FAM13B: variants seen among roughly 807,000 people sequenced by gnomAD.
FAM13B encodes the protein family with sequence similarity 13 member B.
In FAM13B, 60 loss-of-function variants were observed where a neutral mutation model predicts 117.3. That is an observed-to-expected ratio of 0.51 (90% CI 0.42 to 0.63). The LOEUF is 0.63. Among genes scored for constraint, FAM13B ranks in the 30% least tolerant of loss-of-function variants. The pLI is 0.00. For missense variants in FAM13B, 972 were observed against 1,091.9 expected (o/e 0.89, Z 1.55); for synonymous variants, 332 against 356.1 (o/e 0.93, Z 0.76).
intron 1 of FAM13B, among the ~76,000 whole-genome samples, chr5:138,043,143 C>G (rs1791545799): frequency 6.6e-6 from 1 of 152,086 alleles, no homozygotes; most frequent in Non-Finnish European, 1.5e-5. Context: ...CAGCAAGAAT[C>G]ACTTGAGGCC....
intron 1 of FAM13B, among the ~76,000 whole-genome samples, chr5:138,026,301 A>T (rs1788342053): frequency 1.3e-5 from 2 of 152,120 alleles, no homozygotes; most frequent in South Asian, 4.1e-4. Flanking sequence ...ATGCTGTTGT[A>T]TATAAACCAT....
At chr5:137,969,762 T>C (rs1219380942) in intron 10 of FAM13B, among the ~76,000 whole-genome samples, 1 of 151,830 alleles carries the variant, frequency 6.6e-6, no homozygotes, top group Non-Finnish European at 1.5e-5. Flanking sequence ...GAGAAGTGCT[T>C]AAAGGAGCTG....
At chr5:137,993,582 A>T (rs904258472) in intron 7 of FAM13B, among the ~76,000 whole-genome samples, 1 of 151,796 alleles carries the variant, frequency 6.6e-6, no homozygotes, top group East Asian at 1.9e-4. Flanking sequence ...AGAGTTCGAG[A>T]GCAGCCGGGC....
At chr5:138,032,643 G>A (rs1003059740) in intron 1 of FAM13B, 139 bp downstream of exon 1, 6 of 825,380 alleles carry the variant, frequency 7.3e-6, no homozygotes, top group Non-Finnish European at 8.8e-6. Flanking sequence ...CCACCTGCTA[G>A]AGTCCTCCAC....
chr5:138,028,999 G>T (rs1037111610), intron 1 of FAM13B, among the ~76,000 whole-genome samples: 5 of 151,984 alleles, frequency 3.3e-5, no homozygotes, highest in African/African-American at 9.7e-5. Flanking sequence ...CAGCCAGGGG[G>T]ACAAGAACGA....
chr5:137,954,251 G>C lies in FAM13B; in HGVS notation c.1633C>G (p.Arg545Gly). ...EEDCPPVLSH[R>G]SLDFGQSQRF... Reference sequence around the variant, plus strand: ...TGGCTTTGACCAAAATCTAAACTGCGGTGTGATAATACTGGAGGACAGTCC... The same window carrying C: ...TGGCTTTGACCAAAATCTAAACTGCCGTGTGATAATACTGGAGGACAGTCC... Residue 545 changes from arginine to glycine, a missense_variant, in exon 15 of 24, where the codon CGC (arginine) becomes GGC (glycine). Arg to Gly is a moderately radical substitution (Grantham distance 125). Coordinates refer to ENST00000689681, the MANE Select transcript of FAM13B (RefSeq NM_001385994.1). 6.2e-7 allele frequency: 1 copy of C among 1,613,828 alleles called. No individual in the cohort carries two copies. Among genetic ancestry groups the C allele is most frequent in the Middle Eastern group, 1.6e-4 (1 of 6,062 alleles).
At chr5:138,030,021 T>C (rs1789473518) in intron 1 of FAM13B, among the ~76,000 whole-genome samples, 1 of 152,186 alleles carries the variant, frequency 6.6e-6, no homozygotes, top group Admixed American at 6.5e-5. Context: ...AGAAATCTAG[T>C]AAATGTCATC....
At position 137,959,747 on chromosome 5, in the gene FAM13B, A is replaced by C. The variant is rs1767609891; in HGVS notation, c.1310T>G (p.Ile437Arg). The change falls in exon 13 of 24, where the codon ATA becomes AGA. Residue 437 changes from isoleucine to arginine, a missense_variant. Coordinates refer to ENST00000689681, the MANE Select transcript of FAM13B (RefSeq NM_001385994.1). Reference sequence around the variant, plus strand: ...TTCAGTGTTGGCATTCAAATCACATATCTTGCTACTAGAATCCTGTATTTT... The same window carrying C: ...TTCAGTGTTGGCATTCAAATCACATCTCTTGCTACTAGAATCCTGTATTTT... ...SHLILDSSSK[I>R]CDLNANTESE... 10 of 1,613,572 alleles carry C rather than the reference A, an allele frequency of 6.2e-6. No homozygotes were observed. Among genetic ancestry groups the C allele is most frequent in the Non-Finnish European group, 8.5e-6 (10 of 1,179,786 alleles).
chr5:137,959,919 T>C (rs1386233794), intron 12 of FAM13B, among the ~76,000 whole-genome samples, 156 bp from the exon 13 acceptor site: 1 of 152,192 alleles, frequency 6.6e-6, no homozygotes, highest in Non-Finnish European at 1.5e-5. Flanking sequence ...TTTTCAAATA[T>C]AAACATGCAG....
At chr5:137,982,814 G>A (rs1015812866) in intron 10 of FAM13B, among the ~76,000 whole-genome samples, 38 of 152,164 alleles carry the variant, frequency 2.5e-4, no homozygotes, top group African/African-American at 8.2e-4. Flanking sequence ...AAATAAATGT[G>A]CATGCTTTTC....
chr5:137,967,220 A>AG (rs1467306547), intron 10 of FAM13B, among the ~76,000 whole-genome samples: 2 of 152,196 alleles, frequency 1.3e-5, no homozygotes, highest in South Asian at 2.1e-4. Context: ...GAAAGTAGGT[A>AG]GTTCCTTAAT....
At chr5:138,000,764 C>T (rs1561513853) in intron 7 of FAM13B, among the ~76,000 whole-genome samples, 1 of 151,974 alleles carries the variant, frequency 6.6e-6, no homozygotes, top group African/African-American at 2.4e-5. Context: ...AACCCCATCC[C>T]TATTAAGATT....
chr5:137,999,088 G>C lies in FAM13B; in HGVS notation c.848+7902C>G, dbSNP rs578159028. Among the ~76,000 whole-genome samples the C allele has an allele frequency of 1.1e-4, 17 of 151,052 alleles. No homozygotes were observed. In the East Asian group the frequency reaches 1.8e-3, roughly 16 times the overall value. ...CACTCAAGGCCTGTAATTGATTTCT[G>C]AATTGCCTTCAGGGTCTTTTTTTTT... On this transcript the variant is annotated intron_variant, in intron 7 of 23. Transcript: ENST00000689681.
At chr5:138,051,006 T>C (rs915502690) in intron 1 of FAM13B, among the ~76,000 whole-genome samples, 1 of 152,044 alleles carries the variant, frequency 6.6e-6, no homozygotes, top group Non-Finnish European at 1.5e-5. Flanking sequence ...AAGAAAAGCA[T>C]ATGTAGCATA....
intron 17 of FAM13B, 112 bp from the exon 18 acceptor site, chr5:137,949,296 A>C: frequency 1.3e-6 from 1 of 781,134 alleles, no homozygotes; most frequent in Non-Finnish European, 2.1e-6. Context: ...ACACAGACTT[A>C]GATATTTCAA....
intron 10 of FAM13B, among the ~76,000 whole-genome samples, chr5:137,973,192 T>C (rs1346187734): frequency 2.6e-5 from 4 of 152,190 alleles, no homozygotes; most frequent in African/African-American, 9.6e-5. Context: ...GGCATCACAC[T>C]ACCTGACTTC....
In FAM13B at chr5:138,023,714, G is replaced by A. The variant is rs371096659; in HGVS notation, c.-202-2517C>T. ...CTCTTGAGTAGCTAGGACTACAGGCGTGGGCCACCACACCCGGCTAATTTT... is the reference window on the plus strand; with the variant it reads ...CTCTTGAGTAGCTAGGACTACAGGCATGGGCCACCACACCCGGCTAATTTT... On this transcript the variant is annotated intron_variant, in intron 1 of 23. Coordinates refer to ENST00000689681, the MANE Select transcript of FAM13B (RefSeq NM_001385994.1). 6.6e-5 allele frequency among the ~76,000 whole-genome samples: 10 copies of A among 152,132 alleles called. No individual in the cohort carries two copies. In the East Asian group the frequency reaches 9.7e-4, roughly 15 times the overall value.
At chr5:137,980,779 GT>G (rs1036240930) in intron 10 of FAM13B, among the ~76,000 whole-genome samples, 13 of 151,998 alleles carry the variant, frequency 8.6e-5, no homozygotes, top group African/African-American at 3.1e-4. Context: ...TTACCGAGTT[GT>G]TTACTAGCTT....
chr5:137,968,698 C>A (rs938274586), intron 10 of FAM13B, among the ~76,000 whole-genome samples: 1 of 152,154 alleles, frequency 6.6e-6, no homozygotes, highest in African/African-American at 2.4e-5. Flanking sequence ...TCTGAGGTAC[C>A]GGGTTCATCT....
Sources: allele counts gnomAD v4.1 joint callset (sites outside exome capture counted in the v4.1 genomes callset), GRCh38; gene constraint gnomAD v4.1.1; transcripts MANE v1.5; gene names NCBI Gene and HGNC (gene_info 2026-07-23, HGNC 2026-07-21).